The following PITPNC1 variants were observed in gnomAD, a reference collection of about 807,000 sequenced individuals.
PITPNC1 encodes cytoplasmic phosphatidylinositol transfer protein 1.
Under a neutral mutation model 44.7 loss-of-function variants are expected in PITPNC1, and 18 were observed. The ratio of observed to expected loss-of-function variants is 0.40; its 90% CI spans 0.28 to 0.60. The LOEUF (loss-of-function observed/expected upper bound fraction) is 0.60. Among genes scored for constraint, PITPNC1 ranks in the 20% least tolerant of loss-of-function variants. The pLI is 0.39. For missense variants in PITPNC1, 290 were observed against 418.4 expected (o/e 0.69, Z 2.68); for synonymous variants, 141 against 149.6 (o/e 0.94, Z 0.42).
intron 1 of PITPNC1, among the ~76,000 whole-genome samples, chr17:67,425,677 A>C: frequency 6.9e-6 from 1 of 145,716 alleles, no homozygotes; most frequent in East Asian, 2.0e-4. Flanking sequence ...ACACACCACC[A>C]CGCTTGGCTA....
intron 1 of PITPNC1, among the ~76,000 whole-genome samples, chr17:67,436,355 G>A (rs557374817): frequency 6.6e-6 from 1 of 152,172 alleles, no homozygotes; most frequent in East Asian, 1.9e-4. Context: ...AGGATTTGAC[G>A]TTTGAACAAT....
At position 67,379,062 on chromosome 17, in the gene PITPNC1, C is replaced by T. The variant is rs1281233893; in HGVS notation, c.48+860C>T. On this transcript the variant is annotated intron_variant, in intron 1 of 8. Coordinates refer to ENST00000581322, the MANE Select transcript of PITPNC1 (RefSeq NM_012417.4). ...GTGACTCAGATAGGATTATTCCGGC[C>T]CCGGCTTCCCTTTCTTCCCCTTCTT... is the stretch of plus-strand genomic sequence containing the variant. The T allele has an allele frequency of 4.1e-6, 4 of 985,688 alleles. No individual in the cohort carries two copies. In the Admixed American group the frequency reaches 1.8e-4, roughly 45 times the overall value. The allele number at this position is 985,688 out of a possible 1,614,324, so 61.1% of individuals were successfully genotyped here. A position where few individuals can be genotyped will look rare whatever the true frequency, so the allele number is the denominator to read the frequency against.
chr17:67,559,495 T>C (rs2040879771), intron 4 of PITPNC1, among the ~76,000 whole-genome samples: 1 of 152,186 alleles, frequency 6.6e-6, no homozygotes. Context: ...GAAATATCCT[T>C]TTTTTAGGGA....
intron 5 of PITPNC1, among the ~76,000 whole-genome samples, chr17:67,608,016 C>T (rs2041631439): frequency 6.6e-6 from 1 of 152,078 alleles, no homozygotes; most frequent in African/African-American, 2.4e-5. Flanking sequence ...AGGCATGAGC[C>T]ACCGGCCCCG....
intron 5 of PITPNC1, among the ~76,000 whole-genome samples, chr17:67,583,402 A>T (rs974176269): frequency 2.0e-5 from 3 of 152,028 alleles, no homozygotes; most frequent in Non-Finnish European, 2.9e-5. Context: ...AGCCTGTCCA[A>T]CATGGTGAAA....
intron 1 of PITPNC1, among the ~76,000 whole-genome samples, chr17:67,417,024 C>G (rs1197177228): frequency 6.6e-6 from 1 of 151,986 alleles, no homozygotes; most frequent in Non-Finnish European, 1.5e-5. Context: ...GTTGATCAGA[C>G]TGGTCTCAAA....
At chr17:67,393,637 T>C (rs1449153756) in intron 1 of PITPNC1, among the ~76,000 whole-genome samples, 3 of 152,192 alleles carry the variant, frequency 2.0e-5, no homozygotes, top group Non-Finnish European at 4.4e-5. Context: ...TTTAGAAATA[T>C]TACTGTATCA....
chr17:67,596,818 A>T (rs1209538766), intron 5 of PITPNC1, among the ~76,000 whole-genome samples: 2 of 152,004 alleles, frequency 1.3e-5, no homozygotes, highest in East Asian at 3.9e-4. Flanking sequence ...GTAAATTCTT[A>T]TGGTTTAAAG....
intron 1 of PITPNC1, among the ~76,000 whole-genome samples, chr17:67,438,900 G>A (rs2038974222): frequency 6.6e-6 from 1 of 152,184 alleles, no homozygotes; most frequent in African/African-American, 2.4e-5. Context: ...AGATCCACCT[G>A]CTTTGCTCCC....
At chr17:67,687,188 C>T (rs753651909) in intron 8 of PITPNC1, 12 of 1,483,170 alleles carry the variant, frequency 8.1e-6, no homozygotes, top group East Asian at 6.8e-5. Flanking sequence ...AACAAGTGTA[C>T]GTAGAATTTT....
rs141622164 is a variant in PITPNC1 at position 67,681,532 on chromosome 17, C to T, written c.682+5990C>T. On this transcript the variant is annotated intron_variant, in intron 8 of 8. Transcript: ENST00000581322. The stretch of plus-strand genomic sequence containing the variant: ...GCTGAGGTGGAAGGACCACTTGAGT[C>T]TGGGAGGTCAAGGCTGCAGGGAACT... Among the ~76,000 whole-genome samples the T allele has an allele frequency of 6.9e-3, 973 of 141,112 alleles. 7 individuals carry two copies. The highest frequency in any genetic ancestry group is 0.025 in the African/African-American group (936 of 37,942). The allele number at this position is 141,112 out of a possible 152,430, so 92.6% of individuals were successfully genotyped here.
At chr17:67,399,054 T>G (rs796748813) in intron 1 of PITPNC1, among the ~76,000 whole-genome samples, 3 of 149,730 alleles carry the variant, frequency 2.0e-5, no homozygotes, top group African/African-American at 7.4e-5. Context: ...GCGCTCTGTT[T>G]CCCAGGCTGG....
intron 1 of PITPNC1, among the ~76,000 whole-genome samples, chr17:67,399,008 CTT>C (rs34059580): frequency 5.4e-4 from 48 of 88,492 alleles, no homozygotes; most frequent in African/African-American, 2.3e-3. Context: ...AGAGGATCAG[CTT>C]TTTTTTTTTT....
At chr17:67,503,334 A>G (rs569195086) in intron 1 of PITPNC1, among the ~76,000 whole-genome samples, 2 of 152,206 alleles carry the variant, frequency 1.3e-5, no homozygotes, top group South Asian at 4.1e-4. Context: ...TCACTTAATG[A>G]CCACTTTGTC....
chr17:67,658,987 A>G (rs971192278), intron 6 of PITPNC1, among the ~76,000 whole-genome samples: 1 of 151,986 alleles, frequency 6.6e-6, no homozygotes, highest in South Asian at 2.1e-4. Flanking sequence ...AAAGAAACCA[A>G]ATTTCCCTGT....
intron 1 of PITPNC1, among the ~76,000 whole-genome samples, chr17:67,445,199 G>A (rs2039078246): frequency 6.6e-6 from 1 of 151,978 alleles, no homozygotes; most frequent in Non-Finnish European, 1.5e-5. Context: ...CCTGTGATAT[G>A]GGTTCAGTTA....
At chr17:67,588,221 C>G (rs2041347647) in intron 5 of PITPNC1, among the ~76,000 whole-genome samples, 1 of 152,156 alleles carries the variant, frequency 6.6e-6, no homozygotes, top group African/African-American at 2.4e-5. Context: ...CCACGCTGAT[C>G]TTGAACTCCT....
chr17:67,392,628 A>C (rs970017367), intron 1 of PITPNC1, among the ~76,000 whole-genome samples: 5 of 152,184 alleles, frequency 3.3e-5, no homozygotes, highest in African/African-American at 1.2e-4. Flanking sequence ...ATGATCAGGA[A>C]TGTTAAAAAC....
chr17:67,489,124 G>T (rs2039824525), intron 1 of PITPNC1, among the ~76,000 whole-genome samples: 1 of 152,206 alleles, frequency 6.6e-6, no homozygotes, highest in South Asian at 2.1e-4. Flanking sequence ...AATTGGAATT[G>T]ATGGGTCATA....
Sources: allele counts gnomAD v4.1 joint callset (sites outside exome capture counted in the v4.1 genomes callset), GRCh38; gene constraint gnomAD v4.1.1; transcripts MANE v1.5; gene names NCBI Gene and HGNC (gene_info 2026-07-23, HGNC 2026-07-21).